The following WNT9B variants were observed in gnomAD, a reference collection of about 807,000 sequenced individuals.
WNT9B encodes Wnt family member 9B, also known as protein Wnt-9b.
In WNT9B, 12 loss-of-function variants were observed where a neutral mutation model predicts 30.2. The observed-to-expected ratio is 0.40, with a 90% CI of 0.26 to 0.64. The LOEUF is 0.64. WNT9B is among the 30% of genes least tolerant of loss of function. The probability of loss-of-function intolerance (pLI) is 0.42; values close to 1 mark genes in which losing one functional copy is unlikely to be tolerated. For synonymous variants in WNT9B, 218 were observed against 216.9 expected, an observed-to-expected ratio of 1.01 and a Z score of -0.05; for missense variants, 442 against 485.2, an observed-to-expected ratio of 0.91 and a Z score of 0.84.
chr17:46,863,109 C>T (rs936874480), intron 1 of WNT9B, among the ~76,000 whole-genome samples: 1 of 18,534 alleles, frequency 5.4e-5, no homozygotes, highest in African/African-American at 2.5e-4. Context: ...CAGTCGTGGG[C>T]TAGGGAGGGC....
chr17:46,881,440 G>A (rs1254801539), downstream of WNT9B, among the ~76,000 whole-genome samples: 1 of 152,228 alleles, frequency 6.6e-6, no homozygotes, highest in African/African-American at 2.4e-5. Flanking sequence ...TCACAAGGTG[G>A]ACACCCTTCT....
chr17:46,842,399 G>A (rs1369513244), intron 1 of WNT9B, among the ~76,000 whole-genome samples: 2 of 152,142 alleles, frequency 1.3e-5, no homozygotes, highest in Admixed American at 6.5e-5. Context: ...TTTTCAGACA[G>A]GGTCTCCCTC....
chr17:46,872,494 C>T (rs1354641799), intron 1 of WNT9B, 23 bp from the exon 2 acceptor site: 1 of 1,469,078 alleles, frequency 6.8e-7, no homozygotes, highest in Admixed American at 2.4e-5. Flanking sequence ...GCTCACCTGT[C>T]TCCCTCCTCT....
chr17:46,883,476 G>A (rs1189456156), downstream of WNT9B, among the ~76,000 whole-genome samples: 10 of 151,606 alleles, frequency 6.6e-5, no homozygotes, highest in African/African-American at 2.4e-4. Context: ...GTAGAGACGG[G>A]GTTTCACCAT....
chr17:46,845,438 T>C (rs1159218805), intron 1 of WNT9B, among the ~76,000 whole-genome samples: 1 of 151,726 alleles, frequency 6.6e-6, no homozygotes, highest in African/African-American at 2.4e-5. Context: ...ATATGTCACC[T>C]GACATACATG....
At chr17:46,850,898 C>A (rs9895690), upstream of WNT9B, among the ~76,000 whole-genome samples, 1,489 of 152,300 alleles carry the variant, frequency 9.8e-3, 21 homozygotes, top group African/African-American at 0.035. Context: ...TGGGGAACAT[C>A]AGCAGCATTT....
intron 1 of WNT9B, among the ~76,000 whole-genome samples, chr17:46,842,528 C>T (rs1037373057): frequency 1.3e-5 from 2 of 152,162 alleles, no homozygotes; most frequent in African/African-American, 2.4e-5. Context: ...GTGCATACCA[C>T]CATGCCCAGC....
intron 1 of WNT9B, among the ~76,000 whole-genome samples, chr17:46,864,722 G>A (rs371671189): frequency 6.6e-6 from 1 of 152,102 alleles, no homozygotes; most frequent in Non-Finnish European, 1.5e-5. Flanking sequence ...AAACTGCCAG[G>A]CTTGGTGGAA....
intron 1 of WNT9B, among the ~76,000 whole-genome samples, chr17:46,837,390 A>C (rs180997504): frequency 1.1e-3 from 160 of 152,246 alleles, no homozygotes; most frequent in African/African-American, 3.6e-3. Context: ...TTGGAGTATA[A>C]ATGGGAGAAT....
chr17:46,877,566 C>T lies in WNT9B; in HGVS notation c.*848C>T, dbSNP rs952605701. Among the ~76,000 whole-genome samples, 3 of 152,156 alleles carry T rather than the reference C, an allele frequency of 2.0e-5. No homozygotes were observed. Among genetic ancestry groups the T allele is most frequent in the African/African-American group, 7.2e-5 (3 of 41,422 alleles). ...CAACGGCCCCTCCCTGTGTTCCCTG[C>T]TGGCCAAAGGAATCTTCACTCCCAG... On this transcript the variant is annotated 3_prime_UTR_variant, in exon 4 of 4. Transcript: ENST00000290015.
At chr17:46,870,867 C>A (rs1238821736) in intron 1 of WNT9B, among the ~76,000 whole-genome samples, 6 of 150,276 alleles carry the variant, frequency 4.0e-5, no homozygotes, top group Non-Finnish European at 8.8e-5. Context: ...CACATCCAAG[C>A]AGGAGCTCTA....
intron 1 of WNT9B, chr17:46,833,504 C>G: frequency 2.2e-6 from 1 of 457,308 alleles, no homozygotes; most frequent in Non-Finnish European, 4.4e-6. Flanking sequence ...ACCTCACTGC[C>G]TGACTTCTCT....
chr17:46,833,420 C>A (rs757725948), exon 1 of WNT9B: 1 of 517,310 alleles, frequency 1.9e-6, no homozygotes. Flanking sequence ...GCCTTACCAG[C>A]CCTCTAAGAA....
chr17:46,851,317 G>A (rs1417094388), upstream of WNT9B, among the ~76,000 whole-genome samples: 7 of 151,866 alleles, frequency 4.6e-5, no homozygotes, highest in African/African-American at 7.2e-5. The surrounding 1 kb of genome is among the most constrained non-coding windows in gnomAD (Gnocchi z 4.3). Flanking sequence ...CAGGCCCGGG[G>A]GGCTTCACGT....
chr17:46,851,554 T>G, upstream of WNT9B: 3 of 731,076 alleles, frequency 4.1e-6, no homozygotes, highest in South Asian at 5.6e-5. This position sits in a 1 kb window ranked among gnomAD's most constrained non-coding sequence, Gnocchi z 4.3. Flanking sequence ...CCCACCCGGG[T>G]TTAAAGTCCC....
At chr17:46,870,634 G>A (rs2146595026) in intron 1 of WNT9B, among the ~76,000 whole-genome samples, 1 of 152,306 alleles carries the variant, frequency 6.6e-6, no homozygotes, top group Admixed American at 6.5e-5. Flanking sequence ...ATTTCTGAGG[G>A]CACCTGGGGC....
At chr17:46,834,606 G>A (rs2084602640) in intron 1 of WNT9B, among the ~76,000 whole-genome samples, 1 of 152,126 alleles carries the variant, frequency 6.6e-6, no homozygotes, top group South Asian at 2.1e-4. Context: ...GTAGGTAGGG[G>A]CTCAGCCCTG....
At chr17:46,850,243 A>G (rs2084825122), upstream of WNT9B, among the ~76,000 whole-genome samples, 1 of 152,230 alleles carries the variant, frequency 6.6e-6, no homozygotes, top group African/African-American at 2.4e-5. Flanking sequence ...ATTTGACTCC[A>G]GGTCTCTGCA....
Position 46,878,225 on chromosome 17 carries a change from G to A in WNT9B, c.*1507G>A, listed in dbSNP as rs766383020. ...TTGGCCACTTTGCTGGCCCTGCCAC[G>A]CCCATCTGTCAGCTTCCTTTCTCCC... is the stretch of plus-strand genomic sequence containing the variant. On this transcript the variant is annotated 3_prime_UTR_variant, in exon 4 of 4. Coordinates refer to ENST00000290015, the MANE Select transcript of WNT9B (RefSeq NM_003396.3). Among the ~76,000 whole-genome samples the A allele has an allele frequency of 2.6e-5, 4 of 152,344 alleles. No homozygotes were observed. Among genetic ancestry groups the A allele is most frequent in the East Asian group, 1.9e-4 (1 of 5,186 alleles).
Sources: allele counts gnomAD v4.1 joint callset (sites outside exome capture counted in the v4.1 genomes callset), GRCh38; gene constraint gnomAD v4.1.1; non-coding constraint Gnocchi (gnomAD v3.1); transcripts MANE v1.5; gene names NCBI Gene and HGNC (gene_info 2026-07-23, HGNC 2026-07-21).